SAMD7: variants seen among roughly 807,000 people sequenced by gnomAD.
The protein encoded by SAMD7 is sterile alpha motif domain-containing protein 7.
In SAMD7, 34 loss-of-function variants were observed where a neutral mutation model predicts 36.7. The ratio of observed to expected loss-of-function variants is 0.93; its 90% CI spans 0.71 to 1.23. The LOEUF (loss-of-function observed/expected upper bound fraction) is 1.23. SAMD7 is among the 50% of genes most tolerant of loss of function. The probability of loss-of-function intolerance (pLI) is 0.00; values close to 1 mark genes in which losing one functional copy is unlikely to be tolerated. For synonymous variants in SAMD7, 188 were observed against 189.7 expected (o/e 0.99, Z 0.07); for missense variants, 570 against 546.6 (o/e 1.04, Z -0.43).
At position 169,926,540 on chromosome 3, in the gene SAMD7, GT is replaced by G. The variant is rs754379477; in HGVS notation, c.291-9del. The G allele has an allele frequency of 2.5e-6, 4 of 1,595,718 alleles. No homozygotes were observed. Among genetic ancestry groups the G allele is most frequent in the Non-Finnish European group, 3.4e-6 (4 of 1,169,796 alleles). On this transcript the variant is annotated splice_polypyrimidine_tract_variant and intron_variant, in intron 5 of 8. Transcript: ENST00000335556. ...TTTCTTGGGCTGTATAAAATATATT[GT>G]TTTGTTTTTAGGACAGAAATGGAAA...
chr3:169,936,389 A>G lies in SAMD7; in HGVS notation c.1092A>G (p.Glu364=), dbSNP rs1179847509. Residue 364 remains glutamate (E), a synonymous_variant, in exon 8 of 9, where the codon GAA becomes GAG. Transcript: ENST00000335556. The part of the protein sequence containing the change: ...IDGETLPLLT[E]EHLRGTMGLK... ...GAGAAACTTTGCCATTACTCACAGAAGAGCATCTTCGAGGCACTATGGGAT... is the reference window on the plus strand; with the variant it reads ...GAGAAACTTTGCCATTACTCACAGAGGAGCATCTTCGAGGCACTATGGGAT... 6.2e-7 allele frequency: 1 copy of G among 1,613,864 alleles called. No homozygotes were observed. Among genetic ancestry groups the G allele is most frequent in the East Asian group, 2.2e-5 (1 of 44,866 alleles).
At position 169,938,579 on chromosome 3, in the gene SAMD7, G is replaced by A. The variant is rs1194088166; in HGVS notation, c.*73G>A. The A allele has an allele frequency of 1.0e-6, 1 of 954,704 alleles. No homozygotes were observed. Among genetic ancestry groups the A allele is most frequent in the African/African-American group, 1.7e-5 (1 of 60,378 alleles). The allele number at this position is 954,704 out of a possible 1,614,324, so 59.1% of individuals were successfully genotyped here. A position where few individuals can be genotyped will look rare whatever the true frequency, so the allele number is the denominator to read the frequency against. ...TAGGATATTACAAAGGATGTGTGAG[G>A]ATTTCCCAGTACTGGATGGAGAATG... is the stretch of plus-strand genomic sequence containing the variant. On this transcript the variant is annotated 3_prime_UTR_variant, in exon 9 of 9. Coordinates refer to ENST00000335556, the MANE Select transcript of SAMD7 (RefSeq NM_001304366.2).
In SAMD7 at chr3:169,939,138, T is replaced by C. The variant is rs1035502770; in HGVS notation, c.*632T>C. On this transcript the variant is annotated 3_prime_UTR_variant, in exon 9 of 9. Transcript: ENST00000335556. ...GAGATTAAGACCAGCTTGGCCAACA[T>C]GGTGAAACCCCGTCTCTACTAAAAA... 1 of 151,916 alleles carries C rather than the reference T, an allele frequency of 6.6e-6. No individual in the cohort carries two copies. The highest frequency in any genetic ancestry group is 1.5e-5 in the Non-Finnish European group (1 of 68,004). The allele number at this position is 151,916 out of a possible 1,614,324, so 9.4% of individuals were successfully genotyped here.
chr3:169,923,103 G>T (rs1161335854), intron 4 of SAMD7, among the ~76,000 whole-genome samples: 1 of 152,166 alleles, frequency 6.6e-6, no homozygotes, highest in Non-Finnish European at 1.5e-5. Context: ...ATATTCATAA[G>T]TTTATGCTTA....
intron 3 of SAMD7, 73 bp downstream of exon 3, chr3:169,919,657 G>A (rs1576828288): frequency 1.7e-5 from 21 of 1,214,636 alleles, no homozygotes; most frequent in Non-Finnish European, 2.6e-5. Context: ...ATGATGTTAA[G>A]TCTAGTGTTG....
chr3:169,934,380 A>G (rs760547087), intron 7 of SAMD7, among the ~76,000 whole-genome samples: 1 of 152,148 alleles, frequency 6.6e-6, no homozygotes, highest in Non-Finnish European at 1.5e-5. Context: ...AGAAGCCTCC[A>G]CCGATGGTCC....
chr3:169,920,045 A>G (rs1274753633), intron 3 of SAMD7, among the ~76,000 whole-genome samples: 1 of 152,216 alleles, frequency 6.6e-6, no homozygotes, highest in East Asian at 1.9e-4. Context: ...ATGGTGGTGC[A>G]GGCCTGTAAT....
intron 6 of SAMD7, 23 bp from the exon 7 acceptor site, chr3:169,928,434 C>G: frequency 2.5e-6 from 4 of 1,600,770 alleles, no homozygotes; most frequent in Non-Finnish European, 3.4e-6. Flanking sequence ...TATTTTATGC[C>G]ACAATTTCTT....
At chr3:169,916,190 ATTC>A (rs1217988814) in intron 2 of SAMD7, among the ~76,000 whole-genome samples, 1 of 152,242 alleles carries the variant, frequency 6.6e-6, no homozygotes. Flanking sequence ...ATACTGCATG[ATTC>A]TTCTTCTCTG....
intron 5 of SAMD7, chr3:169,926,134 C>A: frequency 7.4e-6 from 4 of 537,070 alleles, no homozygotes. Context: ...TCTTCCCCAG[C>A]CACTTGCATT....
At chr3:169,929,771 G>A (rs753676210) in intron 7 of SAMD7, among the ~76,000 whole-genome samples, 3 of 152,070 alleles carry the variant, frequency 2.0e-5, no homozygotes, top group East Asian at 1.9e-4. Flanking sequence ...CCCAAGAGAC[G>A]GCCAAGCCTC....
At chr3:169,923,734 G>T (rs1713146545) in intron 4 of SAMD7, among the ~76,000 whole-genome samples, 1 of 152,082 alleles carries the variant, frequency 6.6e-6, no homozygotes, top group African/African-American at 2.4e-5. Flanking sequence ...CTTAGGTCAG[G>T]TCTCCAACCT....
intron 2 of SAMD7, among the ~76,000 whole-genome samples, chr3:169,915,739 G>A (rs1484130903): frequency 2.6e-5 from 4 of 151,010 alleles, no homozygotes; most frequent in South Asian, 2.1e-4. Context: ...CGCCACACCC[G>A]GCTAATTTTT....
intron 7 of SAMD7, among the ~76,000 whole-genome samples, chr3:169,929,981 A>C (rs1713423832): frequency 6.6e-6 from 1 of 152,240 alleles, no homozygotes; most frequent in Non-Finnish European, 1.5e-5. Context: ...GGGTTCAATT[A>C]AGTTGCTAAC....
intron 4 of SAMD7, among the ~76,000 whole-genome samples, 155 bp downstream of exon 4, chr3:169,921,493 T>C (rs1415271552): frequency 6.6e-6 from 1 of 152,238 alleles, no homozygotes; most frequent in Non-Finnish European, 1.5e-5. Flanking sequence ...GTTCAGATCA[T>C]GGTGCTACCA....
At chr3:169,920,435 G>A (rs1274019982) in intron 3 of SAMD7, among the ~76,000 whole-genome samples, 1 of 152,098 alleles carries the variant, frequency 6.6e-6, no homozygotes, top group Non-Finnish European at 1.5e-5. Flanking sequence ...TATCGGATTA[G>A]GGCCCCACCT....
At chr3:169,923,193 T>G (rs1288189305) in intron 4 of SAMD7, among the ~76,000 whole-genome samples, 1 of 152,144 alleles carries the variant, frequency 6.6e-6, no homozygotes, top group African/African-American at 2.4e-5. Flanking sequence ...GAAATAGGAT[T>G]CACGCCTGGG....
intron 2 of SAMD7, among the ~76,000 whole-genome samples, chr3:169,917,484 A>T (rs1417404806): frequency 2.0e-5 from 3 of 152,108 alleles, no homozygotes; most frequent in Non-Finnish European, 4.4e-5. Context: ...TTACGGGGGC[A>T]CATGAGATAT....
chr3:169,918,149 G>A (rs558832856), intron 2 of SAMD7, among the ~76,000 whole-genome samples: 2 of 149,920 alleles, frequency 1.3e-5, no homozygotes, highest in African/African-American at 4.9e-5. Context: ...TGTTGGCCAG[G>A]TTCGTCTTGA....
Sources: gnomAD v4.1 joint callset for allele counts (sites outside exome capture counted in the v4.1 genomes callset) on GRCh38, gnomAD v4.1.1 for gene constraint, MANE v1.5 for transcripts, NCBI Gene and HGNC (gene_info 2026-07-23, HGNC 2026-07-21) for gene names.